Variants in ZNF723 observed in about 807,000 individuals in gnomAD.
ZNF723 encodes the protein zinc finger protein 723, pseudogene.
Under a neutral mutation model 9.4 loss-of-function variants are expected in ZNF723, and 5 were observed. The observed-to-expected ratio is 0.53, with a 90% CI of 0.28 to 1.12. The LOEUF (loss-of-function observed/expected upper bound fraction) is 1.12. Ranked by LOEUF, ZNF723 falls within the 50% of genes most tolerant of loss-of-function variation. The pLI is 0.10. For missense variants in ZNF723, 450 were observed against 501.5 expected (o/e 0.90, Z 0.98); for synonymous variants, 158 against 168.8 (o/e 0.94, Z 0.49).
chr19:22,825,578 C>G, the ZNF723 span, among the ~76,000 whole-genome samples: 26 of 152,172 alleles, frequency 1.7e-4, no homozygotes, highest in Non-Finnish European at 2.5e-4. Flanking sequence ...TTGCTGGGCC[C>G]AGCACATTAG....
chr19:22,813,385 A>C, the ZNF723 span, among the ~76,000 whole-genome samples: 1 of 152,142 alleles, frequency 6.6e-6, no homozygotes, highest in Admixed American at 6.6e-5. Context: ...TTGTGACTCC[A>C]TACTCCTGCC....
the ZNF723 span, among the ~76,000 whole-genome samples, chr19:22,818,304 A>T: frequency 6.6e-6 from 1 of 152,106 alleles, no homozygotes; most frequent in Admixed American, 6.6e-5. Flanking sequence ...CACACAGATG[A>T]CACTAAAAAT....
Position 22,858,033 on chromosome 19 carries a change from CTG to C in ZNF723, c.1144_1145del (p.Val382ThrfsTer6). On this transcript the variant is annotated frameshift_variant, in exon 4 of 4. Transcript: ENST00000600766. LOFTEE classifies it low-confidence loss of function (END_TRUNC). ...GAATGTGGCAAAGCTTTTAAAGTAT[CTG>C]TACACCTTACTACACATAAGAGAAT... The C allele has an allele frequency of 6.6e-7, 1 of 1,524,236 alleles. No homozygotes were observed. Among genetic ancestry groups the C allele is most frequent in the African/African-American group, 1.4e-5 (1 of 72,240 alleles). The allele number at this position is 1,524,236 out of a possible 1,614,324, so 94.4% of individuals were successfully genotyped here. A position where few individuals can be genotyped will look rare whatever the true frequency, so the allele number is the denominator to read the frequency against.
chr19:22,823,987 CAG>C, the ZNF723 span, among the ~76,000 whole-genome samples: 1 of 152,244 alleles, frequency 6.6e-6, no homozygotes, highest in Non-Finnish European at 1.5e-5. Context: ...ATCTCACCCT[CAG>C]AAGAACTTAT....
At position 22,848,249 on chromosome 19, in the gene ZNF723, T is replaced by TG. The variant is rs201030940; in HGVS notation, c.4-12_4-11insG. The TG allele has an allele frequency of 3.3e-3, 3,325 of 997,382 alleles. 58 individuals are homozygous for TG. In the African/African-American group the frequency reaches 0.048, roughly 14 times the overall value. The allele number at this position is 997,382 out of a possible 1,614,324, so 61.8% of individuals were successfully genotyped here. ...AAATATGTGTGTATGTGTGTGTGTG[T>TG]TTTTTTTTCAGGGACCATTGACATT... On this transcript the variant is annotated splice_polypyrimidine_tract_variant and intron_variant, in intron 1 of 3. Transcript: ENST00000600766.
At chr19:22,828,521 C>T (rs192688672), upstream of ZNF723, among the ~76,000 whole-genome samples, 356 of 152,060 alleles carry the variant, frequency 2.3e-3, 1 homozygote, top group African/African-American at 6.8e-3. Flanking sequence ...GGTTTGGTGG[C>T]GCGTGCCTGT....
At chr19:22,828,843 A>T (rs148342923), upstream of ZNF723, among the ~76,000 whole-genome samples, 345 of 152,244 alleles carry the variant, frequency 2.3e-3, 1 homozygote, top group Middle Eastern at 0.024. Flanking sequence ...GAAACAGCAG[A>T]TTTCAACACA....
Position 22,857,463 on chromosome 19 carries a change from A to G in ZNF723, c.572A>G (p.His191Arg). ...SFCMLSHLTKHERNHTRVNCY... is the reference protein window; with the variant it reads ...SFCMLSHLTKRERNHTRVNCY... ...TGCATGCTTTCACACCTAACTAAAC[A>G]TGAAAGAAATCATACTAGAGTGAAT... The change falls in exon 4 of 4, where the codon CAT becomes CGT. Residue 191 changes from histidine (H) to arginine (R), a missense_variant. By Grantham distance (29) the His-to-Arg change is conservative. Coordinates refer to ENST00000600766, the MANE Select transcript of ZNF723 (RefSeq NM_001349726.2). 3 of 1,061,324 alleles carry G rather than the reference A, an allele frequency of 2.8e-6. No individual in the cohort carries two copies. Among genetic ancestry groups the G allele is most frequent in the Non-Finnish European group, 4.4e-6 (3 of 682,906 alleles). 65.7% of individuals were successfully genotyped at this position (1,061,324 alleles called of 1,614,324 possible). A position where few individuals can be genotyped will look rare whatever the true frequency, so the allele number is the denominator to read the frequency against.
Position 22,857,414 on chromosome 19 carries a change from T to C in ZNF723, c.523T>C (p.Cys175Arg). Residue 175 changes from cysteine to arginine, a missense_variant, in exon 4 of 4, where the codon TGT (cysteine) becomes CGT (arginine). Cys to Arg is a radical substitution (Grantham distance 180). This residue lies in a region of ZNF723 where 143 missense variants were observed against 101.3 expected (regional missense o/e 1.41). Coordinates refer to ENST00000600766, the MANE Select transcript of ZNF723 (RefSeq NM_001349726.2). ...ACATACTGGAAATAATTCTTTCAAA[T>C]GTAAAGAATGTGGCAAATCATTTTG... ...IRHTGNNSFK[C>R]KECGKSFCML... 1 of 885,954 alleles carries C rather than the reference T, an allele frequency of 1.1e-6. No homozygotes were observed. The highest frequency in any genetic ancestry group is 2.5e-5 in the East Asian group (1 of 40,748). The allele number at this position is 885,954 out of a possible 1,614,324, so 54.9% of individuals were successfully genotyped here.
chr19:22,838,729 CT>C (rs1384924639), intron 1 of ZNF723, among the ~76,000 whole-genome samples: 1 of 151,448 alleles, frequency 6.6e-6, no homozygotes, highest in Non-Finnish European at 1.5e-5. Context: ...AAATATTCTA[CT>C]TTATTTTCTT....
intron 3 of ZNF723, among the ~76,000 whole-genome samples, chr19:22,851,827 C>G (rs1207062893): frequency 6.6e-6 from 1 of 152,144 alleles, no homozygotes; most frequent in Non-Finnish European, 1.5e-5. Context: ...GCTCTTGTTG[C>G]CCAGGCTGGA....
At chr19:22,822,125 A>G in the ZNF723 span, among the ~76,000 whole-genome samples, 3 of 152,174 alleles carry the variant, frequency 2.0e-5, no homozygotes, top group Non-Finnish European at 2.9e-5. Flanking sequence ...AAAATTATGC[A>G]TACTTTAGAA....
intron 1 of ZNF723, among the ~76,000 whole-genome samples, chr19:22,842,646 CT>C (rs1275258207): frequency 6.6e-6 from 1 of 152,110 alleles, no homozygotes; most frequent in African/African-American, 2.4e-5. Context: ...GTTGCCTTAG[CT>C]TTTTTTCTTT....
intron 3 of ZNF723, among the ~76,000 whole-genome samples, chr19:22,855,805 CT>C (rs929450448): frequency 6.6e-5 from 10 of 152,090 alleles, no homozygotes; most frequent in African/African-American, 2.4e-4. Flanking sequence ...TGATACATCA[CT>C]TTTTTCTTGC....
At chr19:22,844,349 T>G (rs935563678) in intron 1 of ZNF723, among the ~76,000 whole-genome samples, 15 of 152,230 alleles carry the variant, frequency 9.9e-5, no homozygotes, top group Admixed American at 7.2e-4. Flanking sequence ...TCAGGTAATT[T>G]GTCTACATTT....
chr19:22,824,587 C>T, the ZNF723 span, among the ~76,000 whole-genome samples: 1 of 152,144 alleles, frequency 6.6e-6, no homozygotes, highest in Non-Finnish European at 1.5e-5. Context: ...GAGAAAATTA[C>T]AATACTCATG....
chr19:22,857,017 G>A, intron 3 of ZNF723, 101 bp from the exon 4 acceptor site: 1 of 522,870 alleles, frequency 1.9e-6, no homozygotes, highest in Non-Finnish European at 3.4e-6. Context: ...ATTTTGCTAT[G>A]CCATCTTATG....
Position 22,857,715 on chromosome 19 carries a change from A to G in ZNF723, c.824A>G (p.His275Arg), listed in dbSNP as rs1967501471. The G allele has an allele frequency of 7.9e-7, 1 of 1,271,516 alleles. No homozygotes were observed. Among genetic ancestry groups the G allele is most frequent in the Non-Finnish European group, 1.2e-6 (1 of 868,210 alleles). 78.8% of individuals were successfully genotyped at this position (1,271,516 alleles called of 1,614,324 possible). A position where few individuals can be genotyped will look rare whatever the true frequency, so the allele number is the denominator to read the frequency against. ...TFNMFSSLNNHKRIHTGEKPY... is the reference protein window; with the variant it reads ...TFNMFSSLNNRKRIHTGEKPY... Reference sequence around the variant, plus strand: ...AATATGTTCTCAAGCCTTAATAATCATAAGAGAATTCACACTGGAGAGAAA... The same window carrying G: ...AATATGTTCTCAAGCCTTAATAATCGTAAGAGAATTCACACTGGAGAGAAA... The change falls in exon 4 of 4, where the codon CAT becomes CGT. Residue 275 changes from histidine (H) to arginine (R), a missense_variant. By Grantham distance (29) the His-to-Arg change is conservative. This residue lies in a region of ZNF723 where 237 missense variants were observed against 332.2 expected (regional missense o/e 0.71). Coordinates refer to ENST00000600766, the MANE Select transcript of ZNF723 (RefSeq NM_001349726.2).
Position 22,857,959 on chromosome 19 carries a change from T to C in ZNF723, c.1068T>C (p.Ile356=). 6.6e-7 allele frequency: 1 copy of C among 1,523,440 alleles called. No individual in the cohort carries two copies. Among genetic ancestry groups the C allele is most frequent in the Non-Finnish European group, 9.1e-7 (1 of 1,098,678 alleles). The allele number at this position is 1,523,440 out of a possible 1,614,324, so 94.4% of individuals were successfully genotyped here. Residue 356 remains isoleucine (I), a synonymous_variant, in exon 4 of 4, where the codon ATT becomes ATC. Transcript: ENST00000600766. ...AAGCATTCAGCCAGTCCTCACACAT[T>C]ACTACACATAAGAGAATTCACACTG... ...CGKAFSQSSH[I]TTHKRIHTGE...
Sources: allele counts gnomAD v4.1 joint callset (sites outside exome capture counted in the v4.1 genomes callset), GRCh38; gene constraint gnomAD v4.1.1; regional missense constraint gnomAD v4.1.1; transcripts MANE v1.5; gene names NCBI Gene and HGNC (gene_info 2026-07-23, HGNC 2026-07-21).